Variants in TMEM200A observed in about 807,000 individuals in gnomAD.
The protein encoded by TMEM200A is transmembrane protein 200A.
A neutral mutation model predicts 24.3 loss-of-function variants in TMEM200A; 12 were observed. The ratio of observed to expected loss-of-function variants is 0.49; its 90% CI spans 0.32 to 0.80. The LOEUF is 0.80. Among genes scored for constraint, TMEM200A ranks in the 30% least tolerant of loss-of-function variants. The pLI is 0.04. For synonymous variants in TMEM200A, 224 were observed against 224.4 expected (o/e 1.00, Z 0.02); for missense variants, 545 against 614.4 (o/e 0.89, Z 1.19).
intron 1 of TMEM200A, among the ~76,000 whole-genome samples, chr6:130,378,335 T>C (rs557032410): frequency 4.6e-4 from 70 of 151,796 alleles, no homozygotes; most frequent in African/African-American, 1.7e-3. Flanking sequence ...GTGATTAAAA[T>C]CCCAGGTGTC....
Position 130,400,262 on chromosome 6 carries a change from C to A in TMEM200A, c.-17+15026C>A, listed in dbSNP as rs182168075. On this transcript the variant is annotated intron_variant, in intron 2 of 2. Coordinates refer to ENST00000296978, the MANE Select transcript of TMEM200A (RefSeq NM_001258277.2). ...TGACTTCTTTTCCTCTGGGTAGATACCCACTAGTGGGATTGCTGGATCAAA... is the reference window on the plus strand; with the variant it reads ...TGACTTCTTTTCCTCTGGGTAGATAACCACTAGTGGGATTGCTGGATCAAA... Among the ~76,000 whole-genome samples, 395 of 152,066 alleles carry A rather than the reference C, an allele frequency of 2.6e-3. 4 individuals are homozygous for A. Among genetic ancestry groups the A allele is most frequent in the African/African-American group, 8.1e-3 (337 of 41,486 alleles).
chr6:130,435,054 GAA>G (rs200828377), intron 2 of TMEM200A, among the ~76,000 whole-genome samples: 35,160 of 134,932 alleles, frequency 0.26, 4,995 homozygotes, highest in African/African-American at 0.43. Context: ...CACTGGGAAT[GAA>G]AAAAAAAAAA....
At chr6:130,373,267 G>T (rs1778362546) in intron 1 of TMEM200A, among the ~76,000 whole-genome samples, 1 of 152,158 alleles carries the variant, frequency 6.6e-6, no homozygotes, top group African/African-American at 2.4e-5. Flanking sequence ...TTTCTGAAGA[G>T]ATGTTGTTAG....
At chr6:130,403,770 C>T (rs1779143329) in intron 2 of TMEM200A, among the ~76,000 whole-genome samples, 1 of 152,002 alleles carries the variant, frequency 6.6e-6, no homozygotes. Context: ...TTTCATCACC[C>T]AGGTATTAAG....
At chr6:130,435,141 T>C (rs1302355902) in intron 2 of TMEM200A, among the ~76,000 whole-genome samples, 2 of 152,134 alleles carry the variant, frequency 1.3e-5, no homozygotes, top group Non-Finnish European at 2.9e-5. Flanking sequence ...TATATACATA[T>C]TTGTCTCTTT....
intron 2 of TMEM200A, among the ~76,000 whole-genome samples, chr6:130,391,236 A>G (rs1440342441): frequency 1.3e-5 from 2 of 152,212 alleles, no homozygotes. Context: ...ATACTTAAAG[A>G]AGTTATCAGT....
rs377183182 is a variant in TMEM200A, at chr6:130,441,926, G to T, written c.*28G>T. 7.1e-6 allele frequency: 11 copies of T among 1,544,234 alleles called. 1 individual carries two copies. The highest frequency in any genetic ancestry group is 1.3e-5 in the South Asian group (1 of 78,492). On this transcript the variant is annotated 3_prime_UTR_variant, in exon 3 of 3. Coordinates refer to ENST00000296978, the MANE Select transcript of TMEM200A (RefSeq NM_001258277.2). ...TTAAAAGAATATATCATTTTACAAG[G>T]GTATATATTTTAAAACGATTTTCAC...
At chr6:130,428,749 G>GCAAA (rs1779805594) in intron 2 of TMEM200A, among the ~76,000 whole-genome samples, 1 of 152,146 alleles carries the variant, frequency 6.6e-6, no homozygotes, top group African/African-American at 2.4e-5. Flanking sequence ...GAAAAGGAAG[G>GCAAA]CAAACAATAC....
Position 130,401,407 on chromosome 6 carries a change from C to T in TMEM200A, c.-17+16171C>T, listed in dbSNP as rs527446851. The stretch of plus-strand genomic sequence containing the variant: ...CTTGCTTGCTTCTTTCTTTCTTTTT[C>T]TTTCTTTCTCTTTCTTTCTTTCTCT... On this transcript the variant is annotated intron_variant, in intron 2 of 2. Coordinates refer to ENST00000296978, the MANE Select transcript of TMEM200A (RefSeq NM_001258277.2). Among the ~76,000 whole-genome samples the T allele has an allele frequency of 3.8e-4, 30 of 79,610 alleles. 1 individual carries two copies. In the African/African-American group the frequency reaches 3.9e-3, roughly 10 times the overall value. 52.2% of individuals were successfully genotyped at this position (79,610 alleles called of 152,430 possible). A position where few individuals can be genotyped will look rare whatever the true frequency, so the allele number is the denominator to read the frequency against.
chr6:130,412,137 T>G (rs1242191409), intron 2 of TMEM200A, among the ~76,000 whole-genome samples: 1 of 151,574 alleles, frequency 6.6e-6, no homozygotes, highest in Non-Finnish European at 1.5e-5. Flanking sequence ...TGAGCTCATC[T>G]TGTCCTTTTC....
chr6:130,373,695 A>G (rs1778373474), intron 1 of TMEM200A, among the ~76,000 whole-genome samples: 1 of 152,208 alleles, frequency 6.6e-6, no homozygotes, highest in Non-Finnish European at 1.5e-5. Context: ...ATGCATTTAT[A>G]TTCCATTTTA....
At chr6:130,439,048 G>T (rs1780090717) in intron 2 of TMEM200A, 1 of 152,176 alleles carries the variant, frequency 6.6e-6, no homozygotes, top group Non-Finnish European at 1.5e-5. Flanking sequence ...CATTTGTTAG[G>T]TTTTATTTTT....
At chr6:130,406,296 T>C (rs948054621) in intron 2 of TMEM200A, among the ~76,000 whole-genome samples, 2 of 152,172 alleles carry the variant, frequency 1.3e-5, no homozygotes, top group African/African-American at 4.8e-5. Context: ...CTATCCAGCT[T>C]AAGACTAGAC....
intron 1 of TMEM200A, among the ~76,000 whole-genome samples, chr6:130,370,554 G>C (rs1184269362): frequency 6.6e-6 from 1 of 152,122 alleles, no homozygotes; most frequent in Non-Finnish European, 1.5e-5. Flanking sequence ...ACAGCCCTCT[G>C]CACAATGATC....
At chr6:130,414,226 G>A (rs1779396914) in intron 2 of TMEM200A, among the ~76,000 whole-genome samples, 1 of 152,000 alleles carries the variant, frequency 6.6e-6, no homozygotes, top group Admixed American at 6.6e-5. Context: ...GAGGTCAGGA[G>A]TTTGAGACCA....
chr6:130,413,838 A>G (rs926409235), intron 2 of TMEM200A, among the ~76,000 whole-genome samples: 5 of 152,160 alleles, frequency 3.3e-5, no homozygotes, highest in Non-Finnish European at 7.4e-5. Context: ...TTCTGTTCCC[A>G]GAACATATCA....
At position 130,428,925 on chromosome 6, in the gene TMEM200A, G is replaced by A. The variant is rs141641571; in HGVS notation, c.-16-11482G>A. On this transcript the variant is annotated intron_variant, in intron 2 of 2. Transcript: ENST00000296978. ...AACAACTACTTGAAGATAGAAATGGGAGTAAAAGAAATATACAATACCAAT... is the reference window on the plus strand; with the variant it reads ...AACAACTACTTGAAGATAGAAATGGAAGTAAAAGAAATATACAATACCAAT... Among the ~76,000 whole-genome samples, 1,336 of 151,974 alleles carry A rather than the reference G, an allele frequency of 8.8e-3. 12 individuals carry two copies. Among genetic ancestry groups the A allele is most frequent in the Non-Finnish European group, 0.015 (1,053 of 67,944 alleles).
chr6:130,426,676 G>A (rs544861886), intron 2 of TMEM200A, among the ~76,000 whole-genome samples: 1 of 152,294 alleles, frequency 6.6e-6, no homozygotes, highest in African/African-American at 2.4e-5. Context: ...TGGGGACTGA[G>A]CTTTGGGGAA....
intron 1 of TMEM200A, among the ~76,000 whole-genome samples, chr6:130,377,466 T>A (rs1778486126): frequency 6.6e-6 from 1 of 152,138 alleles, no homozygotes; most frequent in Non-Finnish European, 1.5e-5. Flanking sequence ...AGGAGACCCA[T>A]CTAGCTGCAG....
Sources: gnomAD v4.1 joint callset for allele counts (sites outside exome capture counted in the v4.1 genomes callset) on GRCh38, gnomAD v4.1.1 for gene constraint, MANE v1.5 for transcripts, NCBI Gene and HGNC (gene_info 2026-07-23, HGNC 2026-07-21) for gene names.